Variants in CSMD1 observed in about 807,000 individuals in gnomAD.
CSMD1 encodes CUB and Sushi multiple domains 1.
In CSMD1, 213 loss-of-function variants were observed where a neutral mutation model predicts 417.5. The observed-to-expected ratio is 0.51, with a 90% CI of 0.46 to 0.57. CSMD1 has a LOEUF of 0.57. Among genes scored for constraint, CSMD1 ranks in the 20% least tolerant of loss-of-function variants. CSMD1 has a pLI of 0.00. For missense variants in CSMD1, 6,923 were observed against 4,529.7 expected, an observed-to-expected ratio of 1.53 and a Z score of -15.17; for synonymous variants, 2,862 against 1,736.8, an observed-to-expected ratio of 1.65 and a Z score of -16.11.
At chr8:4,485,873 C>T (rs905186907) in intron 2 of CSMD1, among the ~76,000 whole-genome samples, 7 of 151,934 alleles carry the variant, frequency 4.6e-5, no homozygotes, top group African/African-American at 7.3e-5. Flanking sequence ...GGTGACATTT[C>T]ACTCTGACCA....
chr8:4,064,381 T>A (rs551799792), intron 3 of CSMD1, among the ~76,000 whole-genome samples: 1 of 152,232 alleles, frequency 6.6e-6, no homozygotes, highest in African/African-American at 2.4e-5. Flanking sequence ...TTTCTGCAGT[T>A]GTTTTCTCCC....
chr8:4,747,116 C>T (rs1370976716), intron 1 of CSMD1, among the ~76,000 whole-genome samples: 2 of 152,156 alleles, frequency 1.3e-5, no homozygotes, highest in East Asian at 3.9e-4. Context: ...GTGCTTTCGG[C>T]TCCTGCTCCT....
rs150573304 is a variant in CSMD1 at position 4,733,013 on chromosome 8, C to G, written c.86-95455G>C. 2.4e-5 allele frequency among the ~76,000 whole-genome samples: 3 copies of G among 126,230 alleles called. 1 individual carries two copies. The highest frequency in any genetic ancestry group is 8.3e-5 in the African/African-American group (3 of 36,250). 82.8% of individuals were successfully genotyped at this position (126,230 alleles called of 152,430 possible). On this transcript the variant is annotated intron_variant, in intron 1 of 69. Transcript: ENST00000635120. ...GGGCTACGCTCCTCTTTCATTTGCA[C>G]GGTTTCTTTGGAAAAAAAAAAATCC...
intron 7 of CSMD1, among the ~76,000 whole-genome samples, chr8:3,647,163 G>A (rs566525003): frequency 4.6e-5 from 7 of 152,154 alleles, no homozygotes; most frequent in South Asian, 4.2e-4. Context: ...ATGGTCCTCC[G>A]GTGCAACTCA....
chr8:4,634,951 C>T (rs115285854), intron 2 of CSMD1, among the ~76,000 whole-genome samples: 3,169 of 152,246 alleles, frequency 0.021, 95 homozygotes, highest in African/African-American at 0.071. Context: ...CCAAAGAAAT[C>T]ACTCTGCACT....
intron 5 of CSMD1, among the ~76,000 whole-genome samples, chr8:3,824,566 G>C (rs534104909): frequency 6.6e-6 from 1 of 152,114 alleles, no homozygotes; most frequent in Non-Finnish European, 1.5e-5. Flanking sequence ...GGCAAAATAC[G>C]GAATGCATTT....
In CSMD1 at chr8:4,715,457, T is replaced by C. The variant is rs1183263562; in HGVS notation, c.86-77899A>G. Among the ~76,000 whole-genome samples the C allele has an allele frequency of 2.6e-5, 4 of 152,304 alleles. No individual in the cohort carries two copies. The South Asian group carries it at 8.3e-4, about 32-fold the overall frequency. On this transcript the variant is annotated intron_variant, in intron 1 of 69. Transcript: ENST00000635120. ...TACCCATTCCCTTGACAATCTCATA[T>C]GGTTTCACAGCTTAAATACCACATA...
chr8:4,366,264 T>TC (rs1554447135), intron 3 of CSMD1, among the ~76,000 whole-genome samples: 3 of 148,490 alleles, frequency 2.0e-5, no homozygotes, highest in East Asian at 3.9e-4. Flanking sequence ...CTTTTTTTTT[T>TC]CTGTTTTATG....
chr8:3,180,944 T>A lies in CSMD1; in HGVS notation c.5725+166A>T, dbSNP rs550034601. Among the ~76,000 whole-genome samples the A allele has an allele frequency of 1.1e-3, 174 of 152,308 alleles. 1 individual carries two copies. Among genetic ancestry groups the A allele is most frequent in the Non-Finnish European group, 2.0e-3 (139 of 68,026 alleles). On this transcript the variant is annotated intron_variant, in intron 37 of 69. Transcript: ENST00000635120. ...TAGGCATGAGTCACCGCAACTGGCT[T>A]ATGTATTTCGTAGAGCCAGATTTCA...
intron 6 of CSMD1, among the ~76,000 whole-genome samples, chr8:3,719,181 C>A (rs180919606): frequency 5.4e-4 from 82 of 152,230 alleles, no homozygotes; most frequent in African/African-American, 1.8e-3. Flanking sequence ...GTCTTTGCCA[C>A]TATAATTTCC....
At chr8:3,469,911 A>T (rs1231968769) in intron 11 of CSMD1, among the ~76,000 whole-genome samples, 2 of 152,256 alleles carry the variant, frequency 1.3e-5, no homozygotes, top group African/African-American at 2.4e-5. Flanking sequence ...TTCGTTGGCA[A>T]CATTGTTCTT....
intron 5 of CSMD1, among the ~76,000 whole-genome samples, chr8:3,873,099 T>C (rs1318620641): frequency 6.6e-6 from 1 of 152,114 alleles, no homozygotes; most frequent in African/African-American, 2.4e-5. Flanking sequence ...GTATACACTC[T>C]TGGTGGGAGT....
At chr8:3,988,697 G>T (rs1194544136) in intron 5 of CSMD1, among the ~76,000 whole-genome samples, 1 of 152,138 alleles carries the variant, frequency 6.6e-6, no homozygotes, top group Non-Finnish European at 1.5e-5. Context: ...TGATATACAG[G>T]ATCTAAACCA....
chr8:4,609,681 T>C (rs550665619), intron 2 of CSMD1, among the ~76,000 whole-genome samples: 1 of 152,206 alleles, frequency 6.6e-6, no homozygotes, highest in Non-Finnish European at 1.5e-5. Flanking sequence ...CGCTGCAGAT[T>C]GTACAGGAAA....
chr8:4,194,398 A>C (rs1799212512), intron 3 of CSMD1, among the ~76,000 whole-genome samples: 1 of 152,306 alleles, frequency 6.6e-6, no homozygotes, highest in South Asian at 2.1e-4. Flanking sequence ...TCATGAAACA[A>C]TGGACACTCC....
chr8:4,297,521 G>C (rs879387359), intron 3 of CSMD1, among the ~76,000 whole-genome samples: 6 of 152,104 alleles, frequency 3.9e-5, no homozygotes, highest in Non-Finnish European at 7.4e-5. Flanking sequence ...TGCTTCTATA[G>C]CTGTTAAACC....
intron 8 of CSMD1, among the ~76,000 whole-genome samples, chr8:3,608,467 A>G (rs1253551797): frequency 1.3e-5 from 2 of 152,124 alleles, no homozygotes; most frequent in East Asian, 1.9e-4. Context: ...TTGAAATTAT[A>G]TATTAAAAAA....
rs182006917 is a variant in CSMD1, at chr8:4,913,211, C to A, written c.85+81121G>T. On this transcript the variant is annotated intron_variant, in intron 1 of 69. Transcript: ENST00000635120. ...GGTTGGTGCAAACCTAGTAGCGTTG[C>A]TGTTAGGTACATCCCAAACTCCGTC... Among the ~76,000 whole-genome samples, 129 of 152,286 alleles carry A rather than the reference C, an allele frequency of 8.5e-4. 1 individual carries two copies. The highest frequency in any genetic ancestry group is 3.0e-3 in the African/African-American group (123 of 41,556).
At chr8:3,919,992 A>AT (rs560965777) in intron 5 of CSMD1, among the ~76,000 whole-genome samples, 11,453 of 150,736 alleles carry the variant, frequency 0.076, 505 homozygotes, top group South Asian at 0.15. Context: ...AATATACCAA[A>AT]TTTTTTTTTA....
Sources: allele counts gnomAD v4.1 joint callset (sites outside exome capture counted in the v4.1 genomes callset), GRCh38; gene constraint gnomAD v4.1.1; transcripts MANE v1.5; gene names NCBI Gene and HGNC (gene_info 2026-07-23, HGNC 2026-07-21).